USP25: variants seen among roughly 807,000 people sequenced by gnomAD.
The protein encoded by USP25 is ubiquitin carboxyl-terminal hydrolase 25.
Under a neutral mutation model 158.5 loss-of-function variants are expected in USP25, and 85 were observed. The ratio of observed to expected loss-of-function variants is 0.54; its 90% confidence interval spans 0.45 to 0.64. The LOEUF (loss-of-function observed/expected upper bound fraction) is 0.64. Among genes scored for constraint, USP25 ranks in the 30% least tolerant of loss-of-function variants. USP25 has a pLI of 0.00. For missense variants in USP25, 1,242 were observed against 1,327.3 expected (o/e 0.94, Z 1.00); for synonymous variants, 464 against 460.4 (o/e 1.01, Z -0.10).
At position 15,826,128 on chromosome 21, in the gene USP25, C is replaced by T. The variant is rs1377030152; in HGVS notation, c.1305-76C>T. 2.1e-6 allele frequency: 3 copies of T among 1,425,738 alleles called. No individual in the cohort carries two copies. Among genetic ancestry groups the T allele is most frequent in the East Asian group, 2.4e-5 (1 of 42,404 alleles). 88.3% of individuals were successfully genotyped at this position (1,425,738 alleles called of 1,614,324 possible). On this transcript the variant is annotated intron_variant, in intron 12 of 25. Transcript: ENST00000400183. The surrounding 1 kb of genome is among the most constrained non-coding windows in gnomAD (Gnocchi z 4.8). ...GAAGTTTTATTGAAGTATCGTATCA[C>T]GTTTTATAATAATAATAAAGGCCCA...
chr21:15,771,034 T>C (rs1404191204), intron 3 of USP25, among the ~76,000 whole-genome samples: 1 of 152,232 alleles, frequency 6.6e-6, no homozygotes, highest in Non-Finnish European at 1.5e-5. Flanking sequence ...ATTAGTGCCA[T>C]TATGAAGATG....
chr21:15,849,774 C>A lies in USP25; in HGVS notation c.2452-3C>A. On this transcript the variant is annotated splice_polypyrimidine_tract_variant and splice_region_variant and intron_variant, in intron 19 of 25. Transcript: ENST00000400183. ...TTTTAATGTTAACTATCTTCTGTGGCAGATCATGATGACACCGAACATGCA... is the reference window on the plus strand; with the variant it reads ...TTTTAATGTTAACTATCTTCTGTGGAAGATCATGATGACACCGAACATGCA... 1 of 1,522,868 alleles carries A rather than the reference C, an allele frequency of 6.6e-7. No homozygotes were observed. The highest frequency in any genetic ancestry group is 1.3e-5 in the South Asian group (1 of 78,092). 94.3% of individuals were successfully genotyped at this position (1,522,868 alleles called of 1,614,324 possible).
chr21:15,836,238 A>G (rs998887733), intron 17 of USP25, among the ~76,000 whole-genome samples: 2 of 152,198 alleles, frequency 1.3e-5, no homozygotes, highest in Non-Finnish European at 2.9e-5. Context: ...ACCTCATAAA[A>G]TTCAATTTCT....
intron 1 of USP25, chr21:15,744,997 G>A (rs2823470): frequency 0.23 from 35,341 of 152,140 alleles, 5,579 homozygotes; most frequent in African/African-American, 0.45. Context: ...AGGGCTGACT[G>A]ACCACTTTAG....
intron 21 of USP25, among the ~76,000 whole-genome samples, chr21:15,864,848 A>C (rs1253421741): frequency 2.6e-5 from 4 of 152,152 alleles, no homozygotes; most frequent in African/African-American, 9.7e-5. Context: ...AGCAGCTCCC[A>C]AGTTGTGGCA....
intron 22 of USP25, among the ~76,000 whole-genome samples, chr21:15,868,266 A>T (rs2039741499): frequency 6.6e-6 from 1 of 152,132 alleles, no homozygotes; most frequent in African/African-American, 2.4e-5. Context: ...TTTGACCAGG[A>T]TATGTAATCT....
chr21:15,806,624 G>C (rs918518281), intron 7 of USP25, among the ~76,000 whole-genome samples: 1 of 152,112 alleles, frequency 6.6e-6, no homozygotes, highest in African/African-American at 2.4e-5. Context: ...CAGATTAGCA[G>C]TGTAGACTAA....
chr21:15,867,696 A>G (rs1332595005), intron 22 of USP25, among the ~76,000 whole-genome samples: 4 of 152,164 alleles, frequency 2.6e-5, no homozygotes, highest in African/African-American at 9.7e-5. Context: ...TCAGACATCA[A>G]TTTTATTCCC....
In USP25 at chr21:15,833,555, C is replaced by T. The variant is rs780791310; in HGVS notation, c.2194+7C>T. 4 of 1,607,422 alleles carry T rather than the reference C, an allele frequency of 2.5e-6. No individual in the cohort carries two copies. The highest frequency in any genetic ancestry group is 3.4e-6 in the Non-Finnish European group (4 of 1,176,940). ...GAGACTTCTGTGACAACAGGTTTGTCCATTTTTATTAAGTTGTGTTTGATT... is the reference window on the plus strand; with the variant it reads ...GAGACTTCTGTGACAACAGGTTTGTTCATTTTTATTAAGTTGTGTTTGATT... On this transcript the variant is annotated splice_region_variant and intron_variant, in intron 17 of 25. Coordinates refer to ENST00000400183, the MANE Select transcript of USP25 (RefSeq NM_001283041.3).
intron 7 of USP25, among the ~76,000 whole-genome samples, chr21:15,807,806 G>C (rs1035954748): frequency 1.3e-5 from 2 of 152,100 alleles, no homozygotes; most frequent in African/African-American, 4.8e-5. Flanking sequence ...ATTCTAAATA[G>C]TGTCACATTT....
Position 15,847,678 on chromosome 21 carries a change from A to G in USP25, c.2353A>G (p.Thr785Ala). The G allele has an allele frequency of 1.3e-6, 2 of 1,549,878 alleles. No individual in the cohort carries two copies. Among genetic ancestry groups the G allele is most frequent in the Non-Finnish European group, 1.7e-6 (2 of 1,146,438 alleles). ...CCTTCTGCAGAAACCTGAAAATACT[A>G]CAAGCCAACCACTTTCTAATCAGCG... is the stretch of plus-strand genomic sequence containing the variant. Reference protein sequence around the residue: ...TVLQSKPENTTSQPLSNQRVV... With the variant: ...TVLQSKPENTASQPLSNQRVV... Residue 785 changes from threonine to alanine, a missense_variant, in exon 19 of 26, where the codon ACA becomes GCA. Around this residue, in one of 3 missense-constraint regions of USP25, gnomAD observed 608 missense variants for 605.2 expected, o/e 1.00. Coordinates refer to ENST00000400183, the MANE Select transcript of USP25 (RefSeq NM_001283041.3).
intron 6 of USP25, among the ~76,000 whole-genome samples, chr21:15,800,613 G>A (rs958934186): frequency 2.0e-5 from 3 of 151,292 alleles, no homozygotes; most frequent in African/African-American, 7.3e-5. Flanking sequence ...AATTACTTAT[G>A]GAGATGATAT....
At chr21:15,871,054 C>T (rs1042162258) in intron 23 of USP25, among the ~76,000 whole-genome samples, 2 of 152,180 alleles carry the variant, frequency 1.3e-5, no homozygotes, top group Non-Finnish European at 2.9e-5. Flanking sequence ...CAGAACATTT[C>T]CATAATCACA....
rs145211413 is a variant in USP25, at chr21:15,802,670, TAA to T, written c.643-2450_643-2449del. Among the ~76,000 whole-genome samples, 332 of 151,810 alleles carry T rather than the reference TAA, an allele frequency of 2.2e-3. 5 individuals carry two copies. The highest frequency in any genetic ancestry group is 7.8e-3 in the African/African-American group (322 of 41,494). On this transcript the variant is annotated intron_variant, in intron 6 of 25. Coordinates refer to ENST00000400183, the MANE Select transcript of USP25 (RefSeq NM_001283041.3). ...ACAGTGATTAGTGGAAGATATCTTA[TAA>T]GAGACATCTTACCAGACATCTTATT...
At chr21:15,822,463 T>C (rs2037282983) in intron 10 of USP25, among the ~76,000 whole-genome samples, 1 of 152,016 alleles carries the variant, frequency 6.6e-6, no homozygotes, top group African/African-American at 2.4e-5. Flanking sequence ...CAGAAAAGTG[T>C]ACCCCAGTTT....
In USP25 at chr21:15,835,856, T is replaced by G. The variant is rs187853618; in HGVS notation, c.2194+2308T>G. Reference sequence around the variant, plus strand: ...CAGAGTGAGATTGTTGTTTAAAAGATTGGTTTCTATTACTGTTATCTTTGA... The same window carrying G: ...CAGAGTGAGATTGTTGTTTAAAAGAGTGGTTTCTATTACTGTTATCTTTGA... On this transcript the variant is annotated intron_variant, in intron 17 of 25. Coordinates refer to ENST00000400183, the MANE Select transcript of USP25 (RefSeq NM_001283041.3). Among the ~76,000 whole-genome samples the G allele has an allele frequency of 2.4e-3, 362 of 152,308 alleles. 5 individuals are homozygous for G. Among genetic ancestry groups the G allele is most frequent in the African/African-American group, 8.4e-3 (350 of 41,576 alleles).
chr21:15,840,690 G>A (rs1461704472), intron 17 of USP25, among the ~76,000 whole-genome samples: 1 of 152,122 alleles, frequency 6.6e-6, no homozygotes, highest in Non-Finnish European at 1.5e-5. Context: ...GGTGACCTAA[G>A]GTGGATTTGA....
intron 6 of USP25, among the ~76,000 whole-genome samples, chr21:15,802,078 A>G (rs2036162667): frequency 2.0e-5 from 3 of 151,530 alleles, no homozygotes. Flanking sequence ...TTTCAGACTG[A>G]TGGCAAAGCA....
At chr21:15,809,642 C>T (rs1243886977) in intron 8 of USP25, among the ~76,000 whole-genome samples, 1 of 152,088 alleles carries the variant, frequency 6.6e-6, no homozygotes, top group Non-Finnish European at 1.5e-5. Context: ...AGCAATTCTG[C>T]TTCTTGGTGT....
Sources: allele counts gnomAD v4.1 joint callset (sites outside exome capture counted in the v4.1 genomes callset), GRCh38; gene constraint gnomAD v4.1.1; regional missense constraint gnomAD v4.1.1; non-coding constraint Gnocchi (gnomAD v3.1); transcripts MANE v1.5; gene names NCBI Gene and HGNC (gene_info 2026-07-23, HGNC 2026-07-21).